The following PFN1 variants were observed in gnomAD, a reference collection of about 807,000 sequenced individuals.
PFN1 encodes the protein profilin-1.
In PFN1, 2 loss-of-function variants were observed where a neutral mutation model predicts 11.7. The observed-to-expected ratio is 0.17, with a 90% CI of 0.07 to 0.54. The LOEUF (loss-of-function observed/expected upper bound fraction) is 0.54, where lower values mean the gene tolerates loss of function less well. Ranked by LOEUF, PFN1 falls within the 20% of genes least tolerant of loss-of-function variation. PFN1 has a pLI of 0.94. For missense variants in PFN1, 97 were observed against 188.4 expected, an observed-to-expected ratio of 0.51 and a Z score of 2.84; for synonymous variants, 78 against 76.2, an observed-to-expected ratio of 1.02 and a Z score of -0.12.
At chr17:4,946,848 G>A (rs755885373) in intron 1 of PFN1, 28 bp from the exon 2 acceptor site, 8 of 1,589,902 alleles carry the variant, frequency 5.0e-6, no homozygotes, top group South Asian at 3.4e-5. Flanking sequence ...CGCCCATCAA[G>A]TTAGTCAGTG....
chr17:4,945,941 A>C lies in PFN1; in HGVS notation c.382T>G (p.Cys128Gly). The C allele has an allele frequency of 6.2e-7, 1 of 1,613,444 alleles. No homozygotes were observed. The highest frequency in any genetic ancestry group is 1.1e-5 in the South Asian group (1 of 91,072). The change falls in exon 3 of 3, where the codon TGT (cysteine) becomes GGT (glycine). Residue 128 changes from cysteine (C) to glycine (G), a missense_variant. Cys to Gly is a radical substitution (Grantham distance 159). Coordinates refer to ENST00000225655, the MANE Select transcript of PFN1 (RefSeq NM_005022.4). ...CGAAGGTGGGAGGCCATTTCATAAC[A>C]TTTCTTGTTGATCAAACCACCGTGG... is the stretch of plus-strand genomic sequence containing the variant. ...GVHGGLINKK[C>G]YEMASHLRRS...
At chr17:4,946,975 A>G in intron 1 of PFN1, 155 bp from the exon 2 acceptor site, 1 of 540,478 alleles carries the variant, frequency 1.9e-6, no homozygotes, top group Non-Finnish European at 3.2e-6. Flanking sequence ...GAACTGTGAG[A>G]AACTCTGAGG....
Position 4,948,319 on chromosome 17 carries a change from T to C in PFN1, c.76A>G (p.Lys26Glu). 1 of 1,610,850 alleles carries C rather than the reference T, an allele frequency of 6.2e-7. No individual in the cohort carries two copies. The highest frequency in any genetic ancestry group is 8.5e-7 in the Non-Finnish European group (1 of 1,179,100). The change falls in exon 1 of 3, where the codon AAG becomes GAG. Residue 26 changes from lysine (K) to glutamate (E), a missense_variant. By Grantham distance (56) the Lys-to-Glu change is moderately conservative. Transcript: ENST00000225655. The stretch of plus-strand genomic sequence containing the variant: ...GCGGCCCAGACGGAGGGCGAGTCCT[T>C]GTAGCCCACGATGGCCGCGTCCTGA... ...TCQDAAIVGYKDSPSVWAAVP... is the reference protein window; with the variant it reads ...TCQDAAIVGYEDSPSVWAAVP...
intron 1 of PFN1, 113 bp from the exon 2 acceptor site, chr17:4,946,933 A>G: frequency 1.2e-6 from 1 of 847,814 alleles, no homozygotes; most frequent in Non-Finnish European, 1.8e-6. Context: ...CGTGGGGGCT[A>G]AGTATAAATT....
At chr17:4,946,310 A>G (rs1450055076) in intron 2 of PFN1, among the ~76,000 whole-genome samples, 2 of 152,222 alleles carry the variant, frequency 1.3e-5, no homozygotes, top group African/African-American at 4.8e-5. Context: ...GTTCTAACAA[A>G]AGAACTCAAA....
chr17:4,947,451 C>G (rs560267519), intron 1 of PFN1: 1 of 149,332 alleles, frequency 6.7e-6, no homozygotes, highest in Admixed American at 6.7e-5. Context: ...CCCCCCTCCC[C>G]CTTTCACCCC....
At chr17:4,946,304 T>C (rs1971391244) in intron 2 of PFN1, among the ~76,000 whole-genome samples, 1 of 152,242 alleles carries the variant, frequency 6.6e-6, no homozygotes, top group African/African-American at 2.4e-5. Context: ...CTCCAGGTTC[T>C]AACAAAAGAA....
chr17:4,945,797 G>A lies in PFN1; in HGVS notation c.*103C>T, dbSNP rs1971372254. 1.3e-6 allele frequency: 1 copy of A among 760,992 alleles called. No individual in the cohort carries two copies. The highest frequency in any genetic ancestry group is 1.6e-5 in the South Asian group (1 of 64,032). The allele number at this position is 760,992 out of a possible 1,614,324, so 47.1% of individuals were successfully genotyped here. ...CCCATGTGGTTTTGGCAGCAATAAG[G>A]GGTATGGGGTAATGGCCCAAAAAAT... On this transcript the variant is annotated 3_prime_UTR_variant, in exon 3 of 3. Coordinates refer to ENST00000225655, the MANE Select transcript of PFN1 (RefSeq NM_005022.4).
At chr17:4,948,169 G>T in intron 1 of PFN1, 94 bp downstream of exon 1, 1 of 1,416,284 alleles carries the variant, frequency 7.1e-7, no homozygotes, top group Non-Finnish European at 9.4e-7. Context: ...AGGGCCTCTC[G>T]CTGCGCGCCC....
At chr17:4,946,040 C>A in intron 2 of PFN1, 43 bp from the exon 3 acceptor site, 1 of 1,405,578 alleles carries the variant, frequency 7.1e-7, no homozygotes, top group Admixed American at 1.7e-5. Flanking sequence ...ATCCAGGTGT[C>A]ACAATTCCAC....
At chr17:4,946,594 G>A (rs957627403) in intron 2 of PFN1, 34 bp downstream of exon 2, 7 of 1,536,138 alleles carry the variant, frequency 4.6e-6, no homozygotes, top group Non-Finnish European at 4.4e-6. Flanking sequence ...TAGAGATCTT[G>A]GAGCTAAAGG....
chr17:4,948,156 G>A (rs1301094061), intron 1 of PFN1, 107 bp downstream of exon 1: 2 of 1,337,834 alleles, frequency 1.5e-6, no homozygotes, highest in Admixed American at 5.3e-5. Context: ...CAAGCACCCA[G>A]TCAGGGCCTC....
intron 1 of PFN1, 94 bp downstream of exon 1, chr17:4,948,169 G>C (rs1389321054): frequency 2.0e-5 from 28 of 1,416,288 alleles, no homozygotes; most frequent in Non-Finnish European, 2.6e-5. Context: ...AGGGCCTCTC[G>C]CTGCGCGCCC....
At chr17:4,948,028 C>A (rs975311223) in intron 1 of PFN1, 6 of 446,622 alleles carry the variant, frequency 1.3e-5, no homozygotes, top group Admixed American at 4.5e-5. Context: ...CCGGATGTAA[C>A]GCCCCGTCGC....
intron 1 of PFN1, 159 bp downstream of exon 1, chr17:4,948,104 G>A (rs964073546): frequency 1.0e-5 from 8 of 780,760 alleles, no homozygotes; most frequent in Admixed American, 7.6e-5. Flanking sequence ...GGCAACTGAG[G>A]GACCCACTCA....
At chr17:4,946,212 G>C (rs1195371459) in intron 2 of PFN1, among the ~76,000 whole-genome samples, 1 of 147,082 alleles carries the variant, frequency 6.8e-6, no homozygotes, top group African/African-American at 2.5e-5. Flanking sequence ...GAGAGGAACA[G>C]ACTAAAAACT....
At chr17:4,946,567 A>G (rs2151134582) in intron 2 of PFN1, 61 bp downstream of exon 2, 3 of 1,387,824 alleles carry the variant, frequency 2.2e-6, no homozygotes, top group Non-Finnish European at 3.0e-6. Flanking sequence ...CCTCAAGATT[A>G]CCAGAAGGCG....
chr17:4,947,731 G>C (rs995286173), intron 1 of PFN1, among the ~76,000 whole-genome samples: 2 of 152,152 alleles, frequency 1.3e-5, no homozygotes, highest in Non-Finnish European at 2.9e-5. Flanking sequence ...GAGCTGGGGG[G>C]GCGTGTGGTG....
Position 4,946,803 on chromosome 17 carries a change from G to A in PFN1, c.150C>T (p.Val50=). 4 of 1,612,836 alleles carry A rather than the reference G, an allele frequency of 2.5e-6. No homozygotes were observed. Among genetic ancestry groups the A allele is most frequent in the Non-Finnish European group, 3.4e-6 (4 of 1,179,378 alleles). Residue 50 remains valine, a synonymous_variant, in exon 2 of 3, where the codon GTC becomes GTT. Coordinates refer to ENST00000225655, the MANE Select transcript of PFN1 (RefSeq NM_005022.4). ...AACTTGACCGGTCTTTGCCAACCAG[G>A]ACACCCACCTCAGCTGGCTGGAAGA... ...FVNITPAEVG[V]LVGKDRSSFY...
Sources: allele counts gnomAD v4.1 joint callset (sites outside exome capture counted in the v4.1 genomes callset), GRCh38; gene constraint gnomAD v4.1.1; transcripts MANE v1.5; gene names NCBI Gene and HGNC (gene_info 2026-07-23, HGNC 2026-07-21).